MCPH1: variants seen among roughly 807,000 people sequenced by gnomAD.
MCPH1 encodes microcephalin 1.
In MCPH1, 104 loss-of-function variants were observed where a neutral mutation model predicts 84.5. That is an observed-to-expected ratio of 1.23 (90% CI 1.05 to 1.45). MCPH1 has a LOEUF of 1.45. MCPH1 is among the 40% of genes most tolerant of loss of function. The probability of loss-of-function intolerance (pLI) is 0.00; values close to 1 mark genes in which losing one functional copy is unlikely to be tolerated. For missense variants in MCPH1, 1,498 were observed against 1,005.7 expected (o/e 1.49, Z -6.62); for synonymous variants, 514 against 366.8 (o/e 1.40, Z -4.58).
At chr8:6,624,124 G>A (rs536588482) in intron 13 of MCPH1, among the ~76,000 whole-genome samples, 323 of 152,252 alleles carry the variant, frequency 2.1e-3, no homozygotes, top group South Asian at 4.4e-3. Context: ...TTTGCCGCTC[G>A]GCTCTCCCGC....
intron 11 of MCPH1, among the ~76,000 whole-genome samples, chr8:6,496,932 G>A (rs1228418433): frequency 6.6e-6 from 1 of 151,720 alleles, no homozygotes. Flanking sequence ...ATTGCTTATT[G>A]TTTTCCCTCT....
chr8:6,536,284 G>A (rs761822556), intron 12 of MCPH1, among the ~76,000 whole-genome samples: 71 of 152,074 alleles, frequency 4.7e-4, no homozygotes, highest in Non-Finnish European at 8.2e-4. Flanking sequence ...TATGGGAATC[G>A]CTGTGTCGGG....
At chr8:6,504,389 C>G (rs148062929) in intron 12 of MCPH1, among the ~76,000 whole-genome samples, 1 of 151,770 alleles carries the variant, frequency 6.6e-6, no homozygotes, top group East Asian at 1.9e-4. Flanking sequence ...GATAAAATCT[C>G]CTGATGCCCA....
chr8:6,431,368 A>AT (rs1801807925), intron 3 of MCPH1, 131 bp from the exon 4 acceptor site: 1 of 698,362 alleles, frequency 1.4e-6, no homozygotes, highest in Admixed American at 2.5e-5. Flanking sequence ...AGTTGTATTT[A>AT]TTTTTTAAAA....
At chr8:6,435,935 G>T in intron 4 of MCPH1, 113 bp from the exon 5 acceptor site, 3 of 1,321,884 alleles carry the variant, frequency 2.3e-6, no homozygotes, top group Non-Finnish European at 3.1e-6. Flanking sequence ...ACCTCTTTTA[G>T]AATTTTTTAT....
chr8:6,579,672 T>G (rs1827395080), intron 12 of MCPH1, among the ~76,000 whole-genome samples: 1 of 152,142 alleles, frequency 6.6e-6, no homozygotes, highest in Non-Finnish European at 1.5e-5. Context: ...ACACACCAAG[T>G]GGTTTGCATA....
chr8:6,641,437 A>C (rs1797928070), intron 13 of MCPH1, among the ~76,000 whole-genome samples: 1 of 152,356 alleles, frequency 6.6e-6, no homozygotes, highest in East Asian at 1.9e-4. Flanking sequence ...TATACATGGC[A>C]AAAGTTTGCA....
chr8:6,645,600 G>T lies in MCPH1; in HGVS notation c.*2551G>T. On this transcript the variant is annotated 3_prime_UTR_variant, in exon 14 of 14. Coordinates refer to ENST00000344683, the MANE Select transcript of MCPH1 (RefSeq NM_024596.5). ...AAGACACTATGTATAGAAATTGTAA[G>T]GAATGCAAAAAAAAAAAAAAAAAAA... The T allele has an allele frequency of 9.6e-6, 1 of 103,670 alleles. No individual in the cohort carries two copies. The highest frequency in any genetic ancestry group is 1.7e-5 in the Non-Finnish European group (1 of 58,724). The allele number at this position is 103,670 out of a possible 1,614,324, so 6.4% of individuals were successfully genotyped here. A position where few individuals can be genotyped will look rare whatever the true frequency, so the allele number is the denominator to read the frequency against.
chr8:6,414,684 G>C (rs1799012145), intron 2 of MCPH1, 81 bp from the exon 3 acceptor site: 2 of 1,478,896 alleles, frequency 1.4e-6, no homozygotes, highest in South Asian at 2.4e-5. Context: ...AGAATTGCTG[G>C]GGTAGAGGTT....
intron 6 of MCPH1, among the ~76,000 whole-genome samples, chr8:6,440,518 C>G (rs1803353474): frequency 6.6e-6 from 1 of 152,104 alleles, no homozygotes; most frequent in Non-Finnish European, 1.5e-5. Context: ...TGCCACGATC[C>G]CTGGCTTATT....
At chr8:6,465,188 C>T (rs577137120) in intron 9 of MCPH1, among the ~76,000 whole-genome samples, 36 of 152,216 alleles carry the variant, frequency 2.4e-4, no homozygotes, top group African/African-American at 8.7e-4. Context: ...TCCAATTAAT[C>T]TGTTTGAGAT....
chr8:6,551,567 A>C (rs973902388), intron 12 of MCPH1, among the ~76,000 whole-genome samples: 1 of 152,152 alleles, frequency 6.6e-6, no homozygotes, highest in Admixed American at 6.6e-5. Context: ...AATTTTTTTT[A>C]ACTCATAACA....
intron 12 of MCPH1, among the ~76,000 whole-genome samples, chr8:6,575,033 G>A (rs189766290): frequency 6.6e-6 from 1 of 152,198 alleles, no homozygotes; most frequent in Non-Finnish European, 1.5e-5. Flanking sequence ...GCACAGATAG[G>A]ATTCTCAAGG....
chr8:6,629,736 C>T (rs1377992555), intron 13 of MCPH1, among the ~76,000 whole-genome samples: 5 of 152,178 alleles, frequency 3.3e-5, no homozygotes, highest in Non-Finnish European at 7.3e-5. Flanking sequence ...AAAATGAATT[C>T]TGATATCACC....
At chr8:6,568,616 A>C (rs1362613706) in intron 12 of MCPH1, among the ~76,000 whole-genome samples, 3 of 152,316 alleles carry the variant, frequency 2.0e-5, no homozygotes, top group South Asian at 4.1e-4. Context: ...CCAGCGTGCA[A>C]TTTGAAAAAG....
At chr8:6,503,086 G>C in intron 12 of MCPH1, 3 of 1,614,048 alleles carry the variant, frequency 1.9e-6, no homozygotes, top group Non-Finnish European at 1.7e-6. Flanking sequence ...CAGTTCCTCA[G>C]GTGGACTGGG....
chr8:6,459,362 GC>G (rs1335920907), intron 9 of MCPH1, among the ~76,000 whole-genome samples: 1 of 152,116 alleles, frequency 6.6e-6, no homozygotes, highest in Non-Finnish European at 1.5e-5. Flanking sequence ...TGCAACCTCT[GC>G]CTCCCGGGTT....
At chr8:6,536,173 C>G (rs1055921234) in intron 12 of MCPH1, among the ~76,000 whole-genome samples, 2 of 152,060 alleles carry the variant, frequency 1.3e-5, no homozygotes, top group Non-Finnish European at 2.9e-5. Context: ...TCTTTAAAAA[C>G]AAGGAAGAAT....
chr8:6,524,342 AT>A (rs1345889044), intron 12 of MCPH1, among the ~76,000 whole-genome samples: 1 of 152,214 alleles, frequency 6.6e-6, no homozygotes, highest in African/African-American at 2.4e-5. Flanking sequence ...CTGGTGAAAT[AT>A]TCTATACATT....
Sources: gnomAD v4.1 joint callset for allele counts (sites outside exome capture counted in the v4.1 genomes callset) on GRCh38, gnomAD v4.1.1 for gene constraint, MANE v1.5 for transcripts, NCBI Gene and HGNC (gene_info 2026-07-23, HGNC 2026-07-21) for gene names.